The following NDC80 variants were observed in gnomAD, a reference collection of about 807,000 sequenced individuals.
The protein encoded by NDC80 is kinetochore protein NDC80 homolog.
Under a neutral mutation model 89.3 loss-of-function variants are expected in NDC80, and 69 were observed. The ratio of observed to expected loss-of-function variants is 0.77; its 90% CI spans 0.64 to 0.94. The LOEUF is 0.94. Among genes scored for constraint, NDC80 ranks in the 40% least tolerant of loss-of-function variants. The pLI is 0.00. For missense variants in NDC80, 593 were observed against 739.6 expected (o/e 0.80, Z 2.30); for synonymous variants, 243 against 255.6 (o/e 0.95, Z 0.47).
intron 16 of NDC80, 148 bp downstream of exon 16, chr18:2,611,009 G>C: frequency 2.6e-6 from 1 of 377,962 alleles, no homozygotes; most frequent in African/African-American, 2.1e-5. Context: ...ATCTTGTCTA[G>C]TGATGTGGCA....
In NDC80 at chr18:2,608,724, T is replaced by C. The variant is rs1401703556; in HGVS notation, c.1582T>C (p.Cys528Arg). 6.2e-7 allele frequency: 1 copy of C among 1,612,484 alleles called. No individual in the cohort carries two copies. The highest frequency in any genetic ancestry group is 8.5e-7 in the Non-Finnish European group (1 of 1,178,842). The change falls in exon 15 of 17, where the codon TGT becomes CGT. Residue 528 changes from cysteine (C) to arginine (R), a missense_variant. Coordinates refer to ENST00000261597, the MANE Select transcript of NDC80 (RefSeq NM_006101.3). ...IKEAEEEDEKCASELESLEKH... is the reference protein window; with the variant it reads ...IKEAEEEDEKRASELESLEKH... ...GGAAGCAGAGGAAGAGGATGAAAAA[T>C]GTGCCAGTGAGCTTGAGTCCTTGGA... is the stretch of plus-strand genomic sequence containing the variant.
At chr18:2,597,902 G>A (rs2072665651) in intron 11 of NDC80, among the ~76,000 whole-genome samples, 1 of 152,154 alleles carries the variant, frequency 6.6e-6, no homozygotes, top group African/African-American at 2.4e-5. Flanking sequence ...GAAGGAAGAA[G>A]TTGTGAGACA....
Position 2,572,966 on chromosome 18 carries a change from C to T in NDC80, c.-9-11C>T, listed in dbSNP as rs200286634. ...GAAAGTTTTTTTTAAATACTGAATT[C>T]GTGAATGTAGGTCATAAGCATGAAG... On this transcript the variant is annotated splice_polypyrimidine_tract_variant and intron_variant, in intron 1 of 16. Coordinates refer to ENST00000261597, the MANE Select transcript of NDC80 (RefSeq NM_006101.3). 2.2e-4 allele frequency: 351 copies of T among 1,601,158 alleles called. 2 individuals are homozygous for T. In the East Asian group the frequency reaches 3.2e-3, roughly 15 times the overall value.
chr18:2,609,194 GTTT>G (rs1367205254), intron 15 of NDC80, among the ~76,000 whole-genome samples: 5 of 152,062 alleles, frequency 3.3e-5, no homozygotes, highest in African/African-American at 1.2e-4. Flanking sequence ...CTGAGCTCAT[GTTT>G]TTATTTCCTA....
chr18:2,603,369 A>G lies in NDC80; in HGVS notation c.1464+1884A>G, dbSNP rs536838721. Among the ~76,000 whole-genome samples, 110 of 145,978 alleles carry G rather than the reference A, an allele frequency of 7.5e-4. 5 individuals carry two copies. Among genetic ancestry groups the G allele is most frequent in the African/African-American group, 2.6e-3 (100 of 39,210 alleles). ...AATATGTTTATACATATATATATAT[A>G]TATATATATACACCTATGTAATATA... On this transcript the variant is annotated intron_variant, in intron 13 of 16. Transcript: ENST00000261597.
chr18:2,613,567 C>T (rs538801271), intron 16 of NDC80, among the ~76,000 whole-genome samples: 146 of 152,190 alleles, frequency 9.6e-4, no homozygotes, highest in African/African-American at 3.4e-3. Context: ...GGATCCCTAC[C>T]TTAAACTCTA....
chr18:2,608,015 C>T (rs1233574967), intron 14 of NDC80, among the ~76,000 whole-genome samples: 1 of 106,460 alleles, frequency 9.4e-6, no homozygotes, highest in East Asian at 3.2e-4. Flanking sequence ...TTTAGCTAGC[C>T]CCTTATTAAT....
Position 2,574,795 on chromosome 18 carries a change from A to G in NDC80, c.102-194A>G, listed in dbSNP as rs73378218. The stretch of plus-strand genomic sequence containing the variant: ...CCTCTGCTGGTCCCCCAACATTACA[A>G]GCATTATAACTTATAGTACCATGTT... On this transcript the variant is annotated intron_variant, in intron 2 of 16. Coordinates refer to ENST00000261597, the MANE Select transcript of NDC80 (RefSeq NM_006101.3). Among the ~76,000 whole-genome samples, 3,029 of 152,296 alleles carry G rather than the reference A, an allele frequency of 0.02. 65 individuals are homozygous for G. The highest frequency in any genetic ancestry group is 0.049 in the African/African-American group (2,028 of 41,558).
Position 2,577,992 on chromosome 18 carries a change from A to G in NDC80, c.327A>G (p.Ala109=), listed in dbSNP as rs745735491. Residue 109 remains alanine, a synonymous_variant, in exon 5 of 17, where the codon GCA becomes GCG. Coordinates refer to ENST00000261597, the MANE Select transcript of NDC80 (RefSeq NM_006101.3). ...AGTTTCTTACAGAAAATGGTTATGC[A>G]CATAATGTGTCCATGAAATCTCTAC... ...LCEFLTENGY[A]HNVSMKSLQA... 1 of 1,613,988 alleles carries G rather than the reference A, an allele frequency of 6.2e-7. No individual in the cohort carries two copies. Among genetic ancestry groups the G allele is most frequent in the Non-Finnish European group, 8.5e-7 (1 of 1,179,972 alleles).
intron 16 of NDC80, among the ~76,000 whole-genome samples, chr18:2,611,273 T>G (rs1231597967): frequency 6.6e-6 from 1 of 152,188 alleles, no homozygotes; most frequent in Non-Finnish European, 1.5e-5. Flanking sequence ...GGTCTCAAAC[T>G]CCTGACCTCA....
At position 2,575,081 on chromosome 18, in the gene NDC80, C is replaced by T; in HGVS notation, c.179+15C>T. 1 of 1,570,138 alleles carries T rather than the reference C, an allele frequency of 6.4e-7. No individual in the cohort carries two copies. Among genetic ancestry groups the T allele is most frequent in the Non-Finnish European group, 8.7e-7 (1 of 1,144,270 alleles). ...TTTGGCAAAAGGTAATTATATTTTTCATTAGCTCTAATAAAGGGATTCTTA... is the reference window on the plus strand; with the variant it reads ...TTTGGCAAAAGGTAATTATATTTTTTATTAGCTCTAATAAAGGGATTCTTA... On this transcript the variant is annotated intron_variant, in intron 3 of 16. Coordinates refer to ENST00000261597, the MANE Select transcript of NDC80 (RefSeq NM_006101.3).
At chr18:2,610,203 A>G (rs1333964891) in intron 15 of NDC80, among the ~76,000 whole-genome samples, 7 of 152,220 alleles carry the variant, frequency 4.6e-5, no homozygotes, top group Non-Finnish European at 2.9e-5. Flanking sequence ...CAGTTAATCC[A>G]TAGGCTCCGT....
intron 6 of NDC80, among the ~76,000 whole-genome samples, chr18:2,580,208 T>G (rs925309374): frequency 6.6e-6 from 1 of 152,124 alleles, no homozygotes; most frequent in Non-Finnish European, 1.5e-5. Flanking sequence ...TTTACATTTA[T>G]TATAATATCT....
intron 16 of NDC80, among the ~76,000 whole-genome samples, chr18:2,613,658 TCTTTATA>T (rs1568015038): frequency 6.6e-6 from 1 of 152,208 alleles, no homozygotes; most frequent in Non-Finnish European, 1.5e-5. Context: ...TAAGAAACTA[TCTTTATA>T]CTTTAGGGGT....
chr18:2,611,637 A>C (rs889384173), intron 16 of NDC80, among the ~76,000 whole-genome samples: 19 of 152,148 alleles, frequency 1.2e-4, no homozygotes, highest in African/African-American at 4.6e-4. Flanking sequence ...CACACAGCTA[A>C]AGTTCACCAA....
At chr18:2,572,283 G>A (rs1186202464) in intron 1 of NDC80, among the ~76,000 whole-genome samples, 1 of 152,242 alleles carries the variant, frequency 6.6e-6, no homozygotes, top group African/African-American at 2.4e-5. Context: ...TGGGTGCAGA[G>A]ATGAGACAGG....
At chr18:2,590,216 A>G in intron 10 of NDC80, 54 bp downstream of exon 10, 2 of 1,460,012 alleles carry the variant, frequency 1.4e-6, no homozygotes, top group Non-Finnish European at 1.8e-6. Flanking sequence ...GGGATTTGTC[A>G]CATGTAAAAA....
At chr18:2,601,616 G>A (rs892803058) in intron 13 of NDC80, 131 bp downstream of exon 13, 1 of 444,968 alleles carries the variant, frequency 2.2e-6, no homozygotes, top group South Asian at 4.8e-5. Flanking sequence ...ATGAGAATTG[G>A]GTATGCTCTC....
chr18:2,580,336 C>CT (rs981678012), intron 6 of NDC80, among the ~76,000 whole-genome samples: 11 of 146,820 alleles, frequency 7.5e-5, no homozygotes, highest in East Asian at 4.0e-4. Context: ...TTCTCTCTCT[C>CT]TTTTTTTTTT....
Sources: allele counts gnomAD v4.1 joint callset (sites outside exome capture counted in the v4.1 genomes callset), GRCh38; gene constraint gnomAD v4.1.1; transcripts MANE v1.5; gene names NCBI Gene and HGNC (gene_info 2026-07-23, HGNC 2026-07-21).